Variants in UBE2F observed in about 807,000 individuals in gnomAD.
UBE2F encodes NEDD8-conjugating enzyme UBE2F.
A neutral mutation model predicts 29.6 loss-of-function variants in UBE2F; 5 were observed. The observed-to-expected ratio is 0.17, with a 90% CI of 0.09 to 0.36. The LOEUF (loss-of-function observed/expected upper bound fraction) is 0.36, where lower values mean the gene tolerates loss of function less well. Ranked by LOEUF, UBE2F falls within the 10% of genes least tolerant of loss-of-function variation. The pLI is 1.00. For missense variants in UBE2F, 141 were observed against 228.5 expected (o/e 0.62, Z 2.47); for synonymous variants, 66 against 81.8 (o/e 0.81, Z 1.04).
chr2:238,024,444 CAAG>C (rs2106395352), intron 5 of UBE2F, among the ~76,000 whole-genome samples: 1 of 152,190 alleles, frequency 6.6e-6, no homozygotes, highest in South Asian at 2.1e-4. Flanking sequence ...CTTCTGAGCT[CAAG>C]TGATTTTCCC....
Position 237,967,626 on chromosome 2 carries a change from G to T in UBE2F, c.-17+494G>T, listed in dbSNP as rs2063084849. On this transcript the variant is annotated intron_variant, in intron 1 of 9. Transcript: ENST00000272930. The surrounding 1 kb of genome is among the most constrained non-coding windows in gnomAD (Gnocchi z 6.3). ...ATCGGGGCAGGAGTCGCGCTAGGCC[G>T]TGAGGAGCGGGGGAGGTGAGGGGAG... Among the ~76,000 whole-genome samples, 1 of 152,212 alleles carries T rather than the reference G, an allele frequency of 6.6e-6. No homozygotes were observed. Among genetic ancestry groups the T allele is most frequent in the Admixed American group, 6.5e-5 (1 of 15,288 alleles).
At chr2:237,984,393 G>A (rs1173524741) in intron 2 of UBE2F, among the ~76,000 whole-genome samples, 2 of 152,238 alleles carry the variant, frequency 1.3e-5, no homozygotes, top group Non-Finnish European at 2.9e-5. Flanking sequence ...GTTTCCCAGT[G>A]CTCTGCTGTT....
chr2:238,025,172 G>A (rs2064391033), intron 5 of UBE2F, 170 bp from the exon 6 acceptor site: 1 of 629,254 alleles, frequency 1.6e-6, no homozygotes, highest in Admixed American at 2.3e-5. Context: ...CATGCCTCAT[G>A]GGTGAGGTGA....
rs2064815344 is a variant in UBE2F at position 238,040,483 on chromosome 2, G to A, written c.508-805G>A. On this transcript the variant is annotated intron_variant, in intron 9 of 9. Coordinates refer to ENST00000272930, the MANE Select transcript of UBE2F (RefSeq NM_080678.3). This position sits in a 1 kb window ranked among gnomAD's most constrained non-coding sequence, Gnocchi z 4.4. Reference sequence around the variant, plus strand: ...TGGGCAGTGGGGGCTGCATGGCATTGATGGGACCGAAGCAGTGTGATCCTG... The same window carrying A: ...TGGGCAGTGGGGGCTGCATGGCATTAATGGGACCGAAGCAGTGTGATCCTG... Among the ~76,000 whole-genome samples, 1 of 152,204 alleles carries A rather than the reference G, an allele frequency of 6.6e-6. No homozygotes were observed. Among genetic ancestry groups the A allele is most frequent in the Admixed American group, 6.5e-5 (1 of 15,290 alleles).
intron 2 of UBE2F, among the ~76,000 whole-genome samples, chr2:237,985,888 C>T (rs543499371): frequency 5.3e-5 from 8 of 152,296 alleles, no homozygotes; most frequent in Admixed American, 3.3e-4. Flanking sequence ...GCCATTCTAA[C>T]AGGTGTGAGG....
chr2:238,025,994 G>A (rs1158031262), intron 6 of UBE2F, among the ~76,000 whole-genome samples: 1 of 152,190 alleles, frequency 6.6e-6, no homozygotes, highest in Non-Finnish European at 1.5e-5. Flanking sequence ...TAAGGCTGCT[G>A]GAAAAGTTGT....
At chr2:237,980,071 G>A (rs2063349879) in intron 2 of UBE2F, among the ~76,000 whole-genome samples, 1 of 152,230 alleles carries the variant, frequency 6.6e-6, no homozygotes, top group Non-Finnish European at 1.5e-5. Context: ...GAAGGCAGTG[G>A]GAAGCTAAGA....
chr2:238,035,698 A>T, intron 8 of UBE2F, 180 bp from the exon 9 acceptor site: 1 of 556,730 alleles, frequency 1.8e-6, no homozygotes, highest in Non-Finnish European at 3.2e-6. Flanking sequence ...TTTTGAAAAA[A>T]ATACCCACAT....
At chr2:238,027,690 G>A (rs2064464631) in intron 6 of UBE2F, among the ~76,000 whole-genome samples, 1 of 152,214 alleles carries the variant, frequency 6.6e-6, no homozygotes, top group Non-Finnish European at 1.5e-5. Context: ...CCTTGTTAGT[G>A]AAAAGCAGAC....
At chr2:238,026,148 C>T (rs561723344) in intron 6 of UBE2F, among the ~76,000 whole-genome samples, 132 of 152,320 alleles carry the variant, frequency 8.7e-4, no homozygotes, top group South Asian at 5.0e-3. Flanking sequence ...TCCAGCTCGC[C>T]GCCCCCGCCC....
intron 1 of UBE2F, among the ~76,000 whole-genome samples, chr2:237,969,551 G>A (rs2063129661): frequency 6.6e-6 from 1 of 152,216 alleles, no homozygotes; most frequent in South Asian, 2.1e-4. Context: ...TAGTCCTTGT[G>A]TAGGGCATCT....
At chr2:237,980,314 G>A (rs1369445550) in intron 2 of UBE2F, among the ~76,000 whole-genome samples, 1 of 152,186 alleles carries the variant, frequency 6.6e-6, no homozygotes, top group African/African-American at 2.4e-5. Context: ...AGATGGTTTG[G>A]CCTAAACAAT....
rs1407040598 is a variant in UBE2F at position 237,973,076 on chromosome 2, C to T, written c.-16-16C>T. On this transcript the variant is annotated splice_polypyrimidine_tract_variant and intron_variant, in intron 1 of 9. Coordinates refer to ENST00000272930, the MANE Select transcript of UBE2F (RefSeq NM_080678.3). ...GAGACCTGGTCCTTAACCCTGCTTT[C>T]ATTGCTGTCTTTCAGGGTAAAGGCA... 1 of 1,593,810 alleles carries T rather than the reference C, an allele frequency of 6.3e-7. No individual in the cohort carries two copies. The highest frequency in any genetic ancestry group is 1.7e-5 in the Admixed American group (1 of 59,372).
In UBE2F at chr2:238,042,476, C is replaced by G. The variant is rs957067136; in HGVS notation, c.*1138C>G. On this transcript the variant is annotated 3_prime_UTR_variant, in exon 10 of 10. Transcript: ENST00000272930. ...GGAGTCAACAGTGGCATATGCCATC[C>G]TCGGCCAGGTTAATATACTGCAGAG... 1.3e-5 allele frequency: 2 copies of G among 152,264 alleles called. No homozygotes were observed. Among genetic ancestry groups the G allele is most frequent in the Admixed American group, 6.5e-5 (1 of 15,286 alleles). The allele number at this position is 152,264 out of a possible 1,614,324, so 9.4% of individuals were successfully genotyped here.
chr2:237,986,203 G>A (rs535883666), intron 2 of UBE2F: 13 of 339,270 alleles, frequency 3.8e-5, no homozygotes, highest in Admixed American at 2.3e-4. Flanking sequence ...GGTGTAGAGC[G>A]CAGTGGTGTG....
chr2:237,969,567 G>T (rs566846302), intron 1 of UBE2F, among the ~76,000 whole-genome samples: 1 of 152,186 alleles, frequency 6.6e-6, no homozygotes, highest in Non-Finnish European at 1.5e-5. Flanking sequence ...CATCTGGTGC[G>T]TCCAGCTGAC....
chr2:237,977,040 G>T (rs1416348887), intron 2 of UBE2F, among the ~76,000 whole-genome samples: 1 of 152,150 alleles, frequency 6.6e-6, no homozygotes, highest in Non-Finnish European at 1.5e-5. Context: ...GCGTCTCCAT[G>T]TCTCCTGCCC....
At position 238,025,329 on chromosome 2, in the gene UBE2F, C is replaced by T; in HGVS notation, c.283-13C>T. The T allele has an allele frequency of 6.2e-7, 1 of 1,612,978 alleles. No individual in the cohort carries two copies. Among genetic ancestry groups the T allele is most frequent in the Non-Finnish European group, 8.5e-7 (1 of 1,179,082 alleles). On this transcript the variant is annotated splice_polypyrimidine_tract_variant and intron_variant, in intron 5 of 9. Transcript: ENST00000272930. Reference sequence around the variant, plus strand: ...CTGTCGGCGTGATCTCTCTCATTGTCTCTGTGTTGCAGCCTCCCAAAGTGA... The same window carrying T: ...CTGTCGGCGTGATCTCTCTCATTGTTTCTGTGTTGCAGCCTCCCAAAGTGA...
chr2:237,994,113 T>C (rs200955934), intron 3 of UBE2F, among the ~76,000 whole-genome samples: 11,077 of 147,084 alleles, frequency 0.075, 385 homozygotes, highest in African/African-American at 0.12. Context: ...CTTCTTCTTT[T>C]TTTTTTTTTT....
Sources: gnomAD v4.1 joint callset for allele counts (sites outside exome capture counted in the v4.1 genomes callset) on GRCh38, gnomAD v4.1.1 for gene constraint, Gnocchi (gnomAD v3.1) non-coding constraint, MANE v1.5 for transcripts, NCBI Gene and HGNC (gene_info 2026-07-23, HGNC 2026-07-21) for gene names.